The following POLR1E variants were observed in gnomAD, a reference collection of about 807,000 sequenced individuals.
POLR1E encodes the protein DNA-directed RNA polymerase I subunit RPA49.
Under a neutral mutation model 50.9 loss-of-function variants are expected in POLR1E, and 37 were observed. That is an observed-to-expected ratio of 0.73 (90% CI 0.56 to 0.96). The LOEUF (loss-of-function observed/expected upper bound fraction) is 0.96. Among genes scored for constraint, POLR1E ranks in the 40% least tolerant of loss-of-function variants. The pLI is 0.00. For synonymous variants in POLR1E, 166 were observed against 191.6 expected (o/e 0.87, Z 1.10); for missense variants, 426 against 518.1 (o/e 0.82, Z 1.73).
chr9:37,496,600 C>T (rs1018811943), intron 8 of POLR1E, among the ~76,000 whole-genome samples: 7 of 146,228 alleles, frequency 4.8e-5, no homozygotes, highest in Non-Finnish European at 1.0e-4. Context: ...AAATCCAGTG[C>T]CTTGGAATTA....
chr9:37,494,967 C>T (rs950053779), intron 6 of POLR1E, among the ~76,000 whole-genome samples: 1 of 152,210 alleles, frequency 6.6e-6, no homozygotes, highest in African/African-American at 2.4e-5. Flanking sequence ...CCACCTTCTC[C>T]AGTGCCTAGC....
intron 1 of POLR1E, 120 bp from the exon 2 acceptor site, chr9:37,486,583 G>C (rs1405442906): frequency 1.2e-6 from 2 of 1,611,700 alleles, no homozygotes; most frequent in Non-Finnish European, 1.7e-6. Flanking sequence ...CAGGACCCGA[G>C]CTTCCTTGCC....
At chr9:37,493,471 A>C (rs1820720364) in intron 5 of POLR1E, 88 bp from the exon 6 acceptor site, 2 of 1,211,530 alleles carry the variant, frequency 1.7e-6, no homozygotes, top group Non-Finnish European at 2.2e-6. Context: ...TCACTCTGGG[A>C]TGCTGAGAGT....
At chr9:37,488,772 C>CT (rs35148517) in intron 3 of POLR1E, among the ~76,000 whole-genome samples, 12,192 of 147,002 alleles carry the variant, frequency 0.083, 637 homozygotes, top group East Asian at 0.15. Flanking sequence ...CACCTAGTAG[C>CT]TTTTTTTTTT....
chr9:37,493,529 C>T, intron 5 of POLR1E, 30 bp from the exon 6 acceptor site: 2 of 1,549,604 alleles, frequency 1.3e-6, no homozygotes, highest in South Asian at 1.2e-5. Context: ...CCTGTCCTGT[C>T]CCCAGTAACC....
chr9:37,498,660 G>C (rs1394529302), intron 9 of POLR1E, among the ~76,000 whole-genome samples: 1 of 152,234 alleles, frequency 6.6e-6, no homozygotes, highest in Non-Finnish European at 1.5e-5. Context: ...GGTTTGTGTT[G>C]TGTCAGCTTA....
intron 4 of POLR1E, chr9:37,490,604 C>G: frequency 1.4e-6 from 1 of 721,916 alleles, no homozygotes; most frequent in Non-Finnish European, 2.5e-6. Flanking sequence ...TTTCTCGGCT[C>G]TTAGAGTGCT....
At position 37,500,873 on chromosome 9, in the gene POLR1E, A is replaced by C; in HGVS notation, c.920A>C (p.Asn307Thr). The change falls in exon 10 of 12, where the codon AAC becomes ACC. Residue 307 changes from asparagine (N) to threonine (T), a missense_variant. Asn to Thr is a moderately conservative substitution (Grantham distance 65, BLOSUM62 0). Transcript: ENST00000377798. ...ALGPGVPHII[N>T]TKLLKHFTCL... ...GGACCTGGAGTTCCCCACATCATCA[A>C]CACCAAACTGCTGAAGCACTTTACT... 1.2e-6 allele frequency: 2 copies of C among 1,614,032 alleles called. No homozygotes were observed. The highest frequency in any genetic ancestry group is 1.1e-5 in the South Asian group (1 of 91,070).
intron 8 of POLR1E, among the ~76,000 whole-genome samples, 197 bp from the exon 9 acceptor site, chr9:37,497,894 C>G (rs1357357285): frequency 6.6e-6 from 1 of 152,192 alleles, no homozygotes; most frequent in Non-Finnish European, 1.5e-5. Context: ...TTCCGAGTAG[C>G]TGGGACCACA....
chr9:37,489,758 G>A (rs1230810354), intron 4 of POLR1E, among the ~76,000 whole-genome samples: 1 of 152,114 alleles, frequency 6.6e-6, no homozygotes, highest in Admixed American at 6.6e-5. Flanking sequence ...ATTTTTAATA[G>A]AGACAGCGTT....
chr9:37,498,925 T>C (rs1820829872), intron 9 of POLR1E, among the ~76,000 whole-genome samples: 2 of 152,210 alleles, frequency 1.3e-5, no homozygotes, highest in African/African-American at 2.4e-5. Context: ...AATTTTGTCA[T>C]TGTACAAACA....
intron 11 of POLR1E, 136 bp from the exon 12 acceptor site, chr9:37,502,907 G>A: frequency 2.2e-6 from 2 of 919,672 alleles, no homozygotes; most frequent in Non-Finnish European, 3.2e-6. Context: ...TCTGCCAGGG[G>A]CTTTGTGCCT....
rs753180677 is a variant in POLR1E at position 37,486,706 on chromosome 9, A to G, written c.80A>G (p.Gln27Arg). The G allele has an allele frequency of 3.1e-6, 5 of 1,614,108 alleles. No homozygotes were observed. The East Asian group carries it at 6.7e-5, about 22-fold the overall frequency. The change falls in exon 2 of 12, where the codon CAG becomes CGG. Residue 27 changes from glutamine (Q) to arginine (R), a missense_variant. Gln to Arg is a conservative substitution (Grantham distance 43). Transcript: ENST00000377798. ...TTCTTGGGCTGCACTCTTACAGTCCAGTTCTCCAACGGGAAGCTACAGAGT... is the reference window on the plus strand; with the variant it reads ...TTCTTGGGCTGCACTCTTACAGTCCGGTTCTCCAACGGGAAGCTACAGAGT... ...PDGSQRAVLV[Q>R]FSNGKLQSPG...
chr9:37,487,707 T>C (rs1326857956), intron 2 of POLR1E, among the ~76,000 whole-genome samples, 156 bp from the exon 3 acceptor site: 3 of 152,168 alleles, frequency 2.0e-5, no homozygotes, highest in Non-Finnish European at 4.4e-5. Flanking sequence ...CATATTCCCT[T>C]AGAGATAGTG....
intron 10 of POLR1E, 96 bp downstream of exon 10, chr9:37,501,017 G>A: frequency 4.1e-6 from 5 of 1,209,570 alleles, no homozygotes; most frequent in Non-Finnish European, 5.9e-6. Flanking sequence ...CCATGTCCAC[G>A]GAGATGCAGT....
intron 9 of POLR1E, among the ~76,000 whole-genome samples, chr9:37,500,616 C>T (rs1820869014): frequency 6.6e-6 from 1 of 152,206 alleles, no homozygotes; most frequent in African/African-American, 2.4e-5. Flanking sequence ...CTTGTCATTG[C>T]CCCATCACCA....
intron 9 of POLR1E, 111 bp downstream of exon 9, chr9:37,498,335 T>C: frequency 8.3e-7 from 1 of 1,210,516 alleles, no homozygotes; most frequent in Non-Finnish European, 1.1e-6. Flanking sequence ...TCCAAGTCTT[T>C]ACTGTCAACT....
intron 6 of POLR1E, 58 bp downstream of exon 6, chr9:37,493,761 T>C (rs1001604181): frequency 1.4e-6 from 2 of 1,399,376 alleles, no homozygotes; most frequent in Admixed American, 5.0e-5. Context: ...TCTCTTCTCT[T>C]GAGATCTTTT....
chr9:37,497,465 A>C (rs1294823563), intron 8 of POLR1E, among the ~76,000 whole-genome samples: 1 of 152,246 alleles, frequency 6.6e-6, no homozygotes, highest in Non-Finnish European at 1.5e-5. Context: ...CTGACTATAA[A>C]AACAGAGGTC....
Sources: gnomAD v4.1 joint callset for allele counts (sites outside exome capture counted in the v4.1 genomes callset) on GRCh38, gnomAD v4.1.1 for gene constraint, MANE v1.5 for transcripts, NCBI Gene and HGNC (gene_info 2026-07-23, HGNC 2026-07-21) for gene names.